FGD6: variants seen among roughly 807,000 people sequenced by gnomAD.
FGD6 encodes FYVE, RhoGEF and PH domain containing 6.
Under a neutral mutation model 149.4 loss-of-function variants are expected in FGD6, and 90 were observed. The ratio of observed to expected loss-of-function variants is 0.60; its 90% confidence interval spans 0.51 to 0.72. The LOEUF is 0.72. Ranked by LOEUF, FGD6 falls within the 30% of genes least tolerant of loss-of-function variation. The pLI is 0.00. For missense variants in FGD6, 1,437 were observed against 1,684.8 expected (o/e 0.85, Z 2.57); for synonymous variants, 527 against 584.0 (o/e 0.90, Z 1.41).
intron 3 of FGD6, among the ~76,000 whole-genome samples, chr12:95,153,223 T>TG (rs1880362456): frequency 6.6e-6 from 1 of 152,204 alleles, no homozygotes; most frequent in African/African-American, 2.4e-5. Context: ...GCTGGATTGA[T>TG]GAACTGCCCT....
At position 95,141,539 on chromosome 12, in the gene FGD6, C is replaced by G. The variant is rs1300031781; in HGVS notation, c.2686G>C (p.Asp896His). 1.2e-6 allele frequency: 2 copies of G among 1,614,008 alleles called. No homozygotes were observed. The highest frequency in any genetic ancestry group is 1.7e-6 in the Non-Finnish European group (2 of 1,179,984). The change falls in exon 6 of 21, where the codon GAT becomes CAT. Residue 896 changes from aspartate to histidine, a missense_variant and splice_region_variant. Asp to His is a moderately conservative substitution (Grantham distance 81). This residue lies in a region of FGD6 where 1,055 missense variants were observed against 1,146.0 expected (regional missense o/e 0.92). Transcript: ENST00000343958. ...FVDVLKLLHI[D>H]FRDAVAHASR... ...GCATGAGCTACTGCATCCCGGAAAT[C>G]CTATTACAGTCCAGAGCAGGAAAAA...
At chr12:95,172,046 G>GGGTGGT (rs562514503) in intron 3 of FGD6, among the ~76,000 whole-genome samples, 1 of 136,322 alleles carries the variant, frequency 7.3e-6, no homozygotes, top group South Asian at 2.6e-4. Context: ...GGGGGGGGGG[G>GGGTGGT]TTGTTATCAA....
chr12:95,111,041 C>T (rs774822364), intron 9 of FGD6, among the ~76,000 whole-genome samples: 10 of 151,976 alleles, frequency 6.6e-5, no homozygotes, highest in Non-Finnish European at 1.5e-4. Context: ...ACAGTGCAGT[C>T]GCGGGATCTC....
At chr12:95,142,235 G>A (rs1385545754) in intron 5 of FGD6, among the ~76,000 whole-genome samples, 2 of 150,882 alleles carry the variant, frequency 1.3e-5, no homozygotes, top group South Asian at 2.1e-4. Context: ...TCCGCCTCCC[G>A]GGTTCAAGCT....
At chr12:95,192,705 G>A (rs557989722) in intron 2 of FGD6, among the ~76,000 whole-genome samples, 1 of 152,340 alleles carries the variant, frequency 6.6e-6, no homozygotes, top group South Asian at 2.1e-4. Flanking sequence ...CAATGGGGAA[G>A]ATTGGGAGGG....
At chr12:95,140,358 T>C (rs1879806225) in intron 6 of FGD6, among the ~76,000 whole-genome samples, 1 of 152,184 alleles carries the variant, frequency 6.6e-6, no homozygotes, top group South Asian at 2.1e-4. Context: ...ATGTCATACA[T>C]ATATAAATTT....
intron 5 of FGD6, among the ~76,000 whole-genome samples, 198 bp from the exon 6 acceptor site, chr12:95,141,737 GATT>G (rs1555219514): frequency 6.6e-6 from 1 of 152,024 alleles, no homozygotes; most frequent in Non-Finnish European, 1.5e-5. Context: ...ATAGTGAGAC[GATT>G]ATTTGATTTT....
intron 2 of FGD6, among the ~76,000 whole-genome samples, chr12:95,188,438 G>A (rs1224163882): frequency 6.6e-6 from 1 of 152,128 alleles, no homozygotes; most frequent in Non-Finnish European, 1.5e-5. Flanking sequence ...AGGAAGACAA[G>A]GTTCCTGCCC....
At chr12:95,103,052 G>A (rs1249555838) in intron 14 of FGD6, among the ~76,000 whole-genome samples, 3 of 152,174 alleles carry the variant, frequency 2.0e-5, no homozygotes, top group Non-Finnish European at 2.9e-5. Context: ...GATTTCAGTG[G>A]TATGGACAAT....
rs574009329 is a variant in FGD6, at chr12:95,109,179, T to C, written c.3134-618A>G. On this transcript the variant is annotated intron_variant, in intron 9 of 20. Transcript: ENST00000343958. ...GCCTATCTGTGTTTTATTCTTTTTA[T>C]TAACCCTTTGCCTTTAGCAAAGTGT... 1.1e-3 allele frequency among the ~76,000 whole-genome samples: 150 copies of C among 138,378 alleles called. 2 individuals carry two copies. Among genetic ancestry groups the C allele is most frequent in the African/African-American group, 3.7e-3 (145 of 39,414 alleles). The allele number at this position is 138,378 out of a possible 152,430, so 90.8% of individuals were successfully genotyped here.
At chr12:95,175,995 A>T (rs538411080) in intron 2 of FGD6, among the ~76,000 whole-genome samples, 2 of 152,108 alleles carry the variant, frequency 1.3e-5, no homozygotes, top group African/African-American at 4.8e-5. Flanking sequence ...TTAGCAGCAA[A>T]ATCTAGGATC....
intron 10 of FGD6, 40 bp downstream of exon 10, chr12:95,108,463 G>T: frequency 6.2e-7 from 1 of 1,613,756 alleles, no homozygotes; most frequent in South Asian, 1.1e-5. Flanking sequence ...TGGGCTTTCA[G>T]GTTCAAGACC....
rs2136303171 is a variant in FGD6 at position 95,208,821 on chromosome 12, GTGTC to G, written c.2441+18_2441+21del. On this transcript the variant is annotated intron_variant, in intron 2 of 20. Transcript: ENST00000343958. ...GTTAATTGCAATGATGCATGCAAAA[GTGTC>G]TGTCTGGCACCTGTTACCTGGAATG... 1 of 1,594,398 alleles carries G rather than the reference GTGTC, an allele frequency of 6.3e-7. No individual in the cohort carries two copies. Among genetic ancestry groups the G allele is most frequent in the Non-Finnish European group, 8.5e-7 (1 of 1,169,706 alleles).
At chr12:95,088,099 A>C (rs1877937235) in intron 18 of FGD6, among the ~76,000 whole-genome samples, 1 of 152,220 alleles carries the variant, frequency 6.6e-6, no homozygotes, top group South Asian at 2.1e-4. Flanking sequence ...TAGTAGCCAC[A>C]CAAGAAGATC....
At chr12:95,208,269 TTAA>T (rs1269224082) in intron 2 of FGD6, among the ~76,000 whole-genome samples, 1 of 152,036 alleles carries the variant, frequency 6.6e-6, no homozygotes, top group Non-Finnish European at 1.5e-5. Context: ...AAATTTTTTT[TTAA>T]TTAAATTATT....
chr12:95,153,953 G>T (rs562628117), intron 3 of FGD6, among the ~76,000 whole-genome samples: 11 of 143,974 alleles, frequency 7.6e-5, no homozygotes, highest in Non-Finnish European at 1.1e-4. Context: ...GTGTGAGTGA[G>T]AGAGAGAAGA....
chr12:95,134,019 C>T (rs997238532), intron 8 of FGD6, among the ~76,000 whole-genome samples: 6 of 152,134 alleles, frequency 3.9e-5, no homozygotes, highest in Admixed American at 1.3e-4. Context: ...TTGAAGCTTA[C>T]AGTCTAGTAG....
At chr12:95,161,260 C>T (rs1880632294) in intron 3 of FGD6, among the ~76,000 whole-genome samples, 1 of 151,856 alleles carries the variant, frequency 6.6e-6, no homozygotes, top group Non-Finnish European at 1.5e-5. Flanking sequence ...CTTTGGGAGG[C>T]CAAGGTGAGC....
chr12:95,101,903 G>C (rs958887462), intron 14 of FGD6, among the ~76,000 whole-genome samples: 1 of 151,652 alleles, frequency 6.6e-6, no homozygotes, highest in Admixed American at 6.6e-5. Context: ...GGATGGTCTC[G>C]ATCTCCTGAT....
Sources: gnomAD v4.1 joint callset for allele counts (sites outside exome capture counted in the v4.1 genomes callset) on GRCh38, gnomAD v4.1.1 for gene constraint, gnomAD v4.1.1 regional missense constraint, MANE v1.5 for transcripts, NCBI Gene and HGNC (gene_info 2026-07-23, HGNC 2026-07-21) for gene names.